LRP1B: variants seen among roughly 807,000 people sequenced by gnomAD.
The protein encoded by LRP1B is LDL receptor related protein 1B, also known as low-density lipoprotein receptor-related protein 1B.
Under a neutral mutation model 556.6 loss-of-function variants are expected in LRP1B, and 217 were observed. That is an observed-to-expected ratio of 0.39 (90% CI 0.35 to 0.44). LRP1B has a LOEUF of 0.44. Ranked by LOEUF, LRP1B falls within the 20% of genes least tolerant of loss-of-function variation. The probability of loss-of-function intolerance (pLI) is 1.00; values close to 1 mark genes in which losing one functional copy is unlikely to be tolerated. For synonymous variants in LRP1B, 2,047 were observed against 1,865.8 expected, an observed-to-expected ratio of 1.10 and a Z score of -2.50; for missense variants, 5,053 against 5,620.8, an observed-to-expected ratio of 0.90 and a Z score of 3.23.
chr2:140,867,592 T>C lies in LRP1B; in HGVS notation c.4577A>G (p.Gln1526Arg), dbSNP rs977576239. The C allele has an allele frequency of 1.9e-6, 3 of 1,612,018 alleles. No individual in the cohort carries two copies. Among genetic ancestry groups the C allele is most frequent in the Non-Finnish European group, 2.5e-6 (3 of 1,178,766 alleles). Residue 1526 changes from glutamine (Q) to arginine (R), a missense_variant and splice_region_variant, in exon 27 of 91, where the codon CAG (glutamine) becomes CGG (arginine). This residue lies in a region of LRP1B where 3,619 missense variants were observed against 3,931.9 expected (regional missense o/e 0.92). Transcript: ENST00000389484. ...LQIYHPSRQP[Q>R]APNPCAANDG... is the part of the protein sequence containing the mutation. ...TCCATAAGTGAACAAGCACTTACCC[T>C]GTGGCTGGCGACTGGGATGGTATAT...
At chr2:140,474,216 C>A (rs910307791) in intron 60 of LRP1B, among the ~76,000 whole-genome samples, 1 of 151,914 alleles carries the variant, frequency 6.6e-6, no homozygotes. Context: ...AACTTTGGTA[C>A]CTTTTACCTT....
intron 3 of LRP1B, among the ~76,000 whole-genome samples, chr2:141,445,318 T>C (rs1322510100): frequency 6.6e-6 from 1 of 152,202 alleles, no homozygotes; most frequent in Admixed American, 6.5e-5. Context: ...TCTTCTCTCT[T>C]TTCTTCTTTA....
chr2:141,229,378 G>C lies in LRP1B; in HGVS notation c.655C>G (p.Leu219Val), dbSNP rs1683374144. ...AGAGTTGCCATTTTACTTCCATTAAGATAGAAAACCTCAATTGTTTCAAAA... is the reference window on the plus strand; with the variant it reads ...AGAGTTGCCATTTTACTTCCATTAACATAGAAAACCTCAATTGTTTCAAAA... Reference protein sequence around the residue: ...ANFETIEVFYLNGSKMATLSS... With the variant: ...ANFETIEVFYVNGSKMATLSS... The change falls in exon 6 of 91, where the codon CTT (leucine) becomes GTT (valine). Residue 219 changes from leucine (L) to valine (V), a missense_variant. By Grantham distance (32) the Leu-to-Val change is conservative (BLOSUM62 1). Transcript: ENST00000389484. The C allele has an allele frequency of 3.1e-6, 5 of 1,608,754 alleles. No individual in the cohort carries two copies. The East Asian group carries it at 1.1e-4, about 36-fold the overall frequency.
At chr2:141,051,639 C>A (rs556586346) in intron 10 of LRP1B, among the ~76,000 whole-genome samples, 2 of 152,002 alleles carry the variant, frequency 1.3e-5, no homozygotes, top group Non-Finnish European at 2.9e-5. Flanking sequence ...GCCCCAAACC[C>A]ATTCTCCTCC....
At chr2:141,574,906 A>T (rs1686677006) in intron 2 of LRP1B, among the ~76,000 whole-genome samples, 1 of 152,178 alleles carries the variant, frequency 6.6e-6, no homozygotes. Flanking sequence ...AAGGGATGTG[A>T]AGGGCCTCTT....
intron 77 of LRP1B, among the ~76,000 whole-genome samples, chr2:140,336,387 C>CTTTTTTT (rs35091865): frequency 1.4e-5 from 2 of 147,368 alleles, no homozygotes; most frequent in Non-Finnish European, 3.0e-5. Flanking sequence ...TAGTTTAGTA[C>CTTTTTTT]TTTTTTTTTT....
chr2:140,289,186 A>C (rs534450805), intron 84 of LRP1B, among the ~76,000 whole-genome samples: 1 of 152,126 alleles, frequency 6.6e-6, no homozygotes, highest in African/African-American at 2.4e-5. Flanking sequence ...AATTTTATAA[A>C]CATGCTGCTG....
chr2:140,248,253 T>G (rs1057276061), intron 86 of LRP1B, among the ~76,000 whole-genome samples: 1 of 151,672 alleles, frequency 6.6e-6, no homozygotes, highest in Admixed American at 6.6e-5. Context: ...ATAAAATCAT[T>G]ATTACTGACA....
chr2:141,377,588 G>T (rs990774731), intron 3 of LRP1B, among the ~76,000 whole-genome samples: 1 of 151,898 alleles, frequency 6.6e-6, no homozygotes, highest in Non-Finnish European at 1.5e-5. Context: ...TTCACTGTTG[G>T]ATATGCAACA....
chr2:141,331,548 C>T lies in LRP1B; in HGVS notation c.344-76907G>A, dbSNP rs568990369. Among the ~76,000 whole-genome samples the T allele has an allele frequency of 4.1e-5, 6 of 147,838 alleles. No individual in the cohort carries two copies. The East Asian group carries it at 7.9e-4, about 19-fold the overall frequency. ...TCTTTCTTTCTTTCTTTCTTTCTTT[C>T]TTTCTTATTTGGGAGGGAGGGGGAA... is the stretch of plus-strand genomic sequence containing the variant. On this transcript the variant is annotated intron_variant, in intron 3 of 90. Coordinates refer to ENST00000389484, the MANE Select transcript of LRP1B (RefSeq NM_018557.3).
At chr2:141,225,999 GA>G (rs1415634307) in intron 6 of LRP1B, among the ~76,000 whole-genome samples, 2 of 151,876 alleles carry the variant, frequency 1.3e-5, no homozygotes, top group Non-Finnish European at 2.9e-5. Context: ...TTGCTAACAT[GA>G]AAAAGTTGAG....
intron 2 of LRP1B, among the ~76,000 whole-genome samples, chr2:141,745,625 G>A (rs890641886): frequency 6.6e-6 from 1 of 151,980 alleles, no homozygotes; most frequent in Admixed American, 6.6e-5. Context: ...CCATCCAAGA[G>A]TCAAGGCCTG....
At chr2:141,929,830 A>G (rs552549139) in intron 1 of LRP1B, among the ~76,000 whole-genome samples, 2 of 148,258 alleles carry the variant, frequency 1.3e-5, no homozygotes, top group South Asian at 4.3e-4. Flanking sequence ...CAAGGTTAAC[A>G]TCTGGGTCTC....
At chr2:141,947,517 G>A (rs1321658849) in intron 1 of LRP1B, among the ~76,000 whole-genome samples, 3 of 152,076 alleles carry the variant, frequency 2.0e-5, no homozygotes, top group Non-Finnish European at 2.9e-5. Context: ...CTCTTATGAG[G>A]TAGGTATAAC....
chr2:141,120,721 A>G (rs1323468565), intron 7 of LRP1B, among the ~76,000 whole-genome samples: 1 of 152,000 alleles, frequency 6.6e-6, no homozygotes, highest in Non-Finnish European at 1.5e-5. Context: ...GCTCTAAAAG[A>G]AGAATATGTG....
chr2:141,458,448 A>G (rs948856791), intron 3 of LRP1B, among the ~76,000 whole-genome samples: 13 of 152,162 alleles, frequency 8.5e-5, no homozygotes, highest in African/African-American at 2.7e-4. Context: ...GCCTAGTGTC[A>G]TTCTCTCTAG....
At chr2:141,710,222 C>G (rs557366927) in intron 2 of LRP1B, among the ~76,000 whole-genome samples, 1 of 152,202 alleles carries the variant, frequency 6.6e-6, no homozygotes, top group Non-Finnish European at 1.5e-5. Context: ...TATCACAACC[C>G]TCCTTTACCT....
At chr2:141,775,040 C>A (rs1213211820) in intron 2 of LRP1B, among the ~76,000 whole-genome samples, 1 of 152,228 alleles carries the variant, frequency 6.6e-6, no homozygotes, top group African/African-American at 2.4e-5. Context: ...AGCTTTATGA[C>A]ACCTGAATGA....
At chr2:142,092,154 C>A (rs1706196820) in intron 1 of LRP1B, among the ~76,000 whole-genome samples, 1 of 152,124 alleles carries the variant, frequency 6.6e-6, no homozygotes, top group Non-Finnish European at 1.5e-5. Context: ...AATATTTTTT[C>A]TTTGCTTATG....
Sources: gnomAD v4.1 joint callset for allele counts (sites outside exome capture counted in the v4.1 genomes callset) on GRCh38, gnomAD v4.1.1 for gene constraint, gnomAD v4.1.1 regional missense constraint, MANE v1.5 for transcripts, NCBI Gene and HGNC (gene_info 2026-07-23, HGNC 2026-07-21) for gene names.